The following ADAMTS12 variants were observed in gnomAD, a reference collection of about 807,000 sequenced individuals.
ADAMTS12 encodes the protein ADAM metallopeptidase with thrombospondin type 1 motif 12.
ADAMTS12 carries 118 observed loss-of-function variants against 167.8 expected under a neutral mutation model. That is an observed-to-expected ratio of 0.70 (90% CI 0.61 to 0.82). ADAMTS12 has a LOEUF of 0.82. Among genes scored for constraint, ADAMTS12 ranks in the 40% least tolerant of loss-of-function variants. The pLI is 0.00. For synonymous variants in ADAMTS12, 704 were observed against 716.9 expected (o/e 0.98, Z 0.29); for missense variants, 1,916 against 1,998.8 (o/e 0.96, Z 0.79).
rs919172327 is a variant in ADAMTS12 at position 33,545,910 on chromosome 5, A to G, written c.4446+149T>C. On this transcript the variant is annotated intron_variant, in intron 22 of 23. Transcript: ENST00000504830. ...TAGCATTAGGAGAAATACCTAATGTAAATGATGAGTTGATGGGTGCAGCAA... is the reference window on the plus strand; with the variant it reads ...TAGCATTAGGAGAAATACCTAATGTGAATGATGAGTTGATGGGTGCAGCAA... The G allele has an allele frequency of 1.2e-5, 11 of 910,340 alleles. No homozygotes were observed. The African/African-American group carries it at 1.9e-4, about 16-fold the overall frequency. The allele number at this position is 910,340 out of a possible 1,614,324, so 56.4% of individuals were successfully genotyped here.
At chr5:33,760,920 T>TGCGCGC (rs1554040722) in intron 2 of ADAMTS12, among the ~76,000 whole-genome samples, 2 of 146,162 alleles carry the variant, frequency 1.4e-5, no homozygotes, top group African/African-American at 5.1e-5. Context: ...TGTGTGTGTG[T>TGCGCGC]GCGTATGCGC....
At position 33,576,293 on chromosome 5, in the gene ADAMTS12, C is replaced by A; in HGVS notation, c.3733G>T (p.Ala1245Ser). 2 of 1,614,170 alleles carry A rather than the reference C, an allele frequency of 1.2e-6. No individual in the cohort carries two copies. Among genetic ancestry groups the A allele is most frequent in the Non-Finnish European group, 1.7e-6 (2 of 1,180,026 alleles). Residue 1245 changes from alanine (A) to serine (S), a missense_variant, in exon 19 of 24, where the codon GCC (alanine) becomes TCC (serine). Transcript: ENST00000504830. ...RVEGMVTEKP[A>S]NTLLPLGGDH... ...CCTCCCAGAGGGAGCAGAGTGTTGGCTGGCTTTTCAGTAACCATCCCCTCA... is the reference window on the plus strand; with the variant it reads ...CCTCCCAGAGGGAGCAGAGTGTTGGATGGCTTTTCAGTAACCATCCCCTCA...
At chr5:33,571,238 A>C (rs533762957) in intron 19 of ADAMTS12, among the ~76,000 whole-genome samples, 1 of 152,274 alleles carries the variant, frequency 6.6e-6, no homozygotes, top group East Asian at 1.9e-4. Context: ...GCTCTGCACC[A>C]AGTGGACCTA....
chr5:33,567,850 C>G (rs1339886391), intron 19 of ADAMTS12, among the ~76,000 whole-genome samples: 4 of 152,084 alleles, frequency 2.6e-5, no homozygotes, highest in Non-Finnish European at 5.9e-5. Flanking sequence ...TAAATAAAAT[C>G]AAAGACACAG....
At chr5:33,570,206 G>C (rs866662615) in intron 19 of ADAMTS12, among the ~76,000 whole-genome samples, 232 of 152,284 alleles carry the variant, frequency 1.5e-3, no homozygotes, top group Middle Eastern at 6.8e-3. Context: ...CCCCAATCTA[G>C]CAAGGCAGGC....
At chr5:33,550,473 G>A (rs1745206084) in intron 20 of ADAMTS12, among the ~76,000 whole-genome samples, 1 of 152,180 alleles carries the variant, frequency 6.6e-6, no homozygotes, top group African/African-American at 2.4e-5. Flanking sequence ...GTGGGATGGA[G>A]GCTAACATCT....
At chr5:33,737,702 T>C (rs1050244096) in intron 3 of ADAMTS12, among the ~76,000 whole-genome samples, 2 of 152,234 alleles carry the variant, frequency 1.3e-5, no homozygotes, top group African/African-American at 4.8e-5. Flanking sequence ...AATGTACAAC[T>C]AGTCTCACTA....
At chr5:33,718,517 C>G (rs1232208097) in intron 3 of ADAMTS12, among the ~76,000 whole-genome samples, 1 of 152,122 alleles carries the variant, frequency 6.6e-6, no homozygotes, top group Non-Finnish European at 1.5e-5. Flanking sequence ...GAATCTAATG[C>G]CTGATGATCT....
chr5:33,805,755 T>C (rs1747201442), intron 2 of ADAMTS12, among the ~76,000 whole-genome samples: 1 of 152,116 alleles, frequency 6.6e-6, no homozygotes, highest in Non-Finnish European at 1.5e-5. Flanking sequence ...CTGGGTGCAG[T>C]GGTTTATGCC....
At chr5:33,599,590 C>T (rs1738084662) in intron 16 of ADAMTS12, among the ~76,000 whole-genome samples, 2 of 152,152 alleles carry the variant, frequency 1.3e-5, no homozygotes. Context: ...CCTGACCCTT[C>T]ACTGTTAATG....
At chr5:33,595,048 G>A (rs1031886272) in intron 17 of ADAMTS12, among the ~76,000 whole-genome samples, 5 of 152,242 alleles carry the variant, frequency 3.3e-5, no homozygotes, top group Admixed American at 2.6e-4. Flanking sequence ...AGAGAATGAA[G>A]ACTCTTTCTG....
intron 19 of ADAMTS12, among the ~76,000 whole-genome samples, chr5:33,571,100 C>T (rs1219380083): frequency 6.6e-6 from 1 of 152,020 alleles, no homozygotes; most frequent in Non-Finnish European, 1.5e-5. Flanking sequence ...ATAAAGCTAG[C>T]CCTGAGTGAC....
rs180758463 is a variant in ADAMTS12 at position 33,783,999 on chromosome 5, A to T, written c.490-32451T>A. On this transcript the variant is annotated intron_variant, in intron 2 of 23. Transcript: ENST00000504830. ...CCAAATTTAGCAATATATGAAAAAG[A>T]GTATGTATGATGGCCAAGTGAGATT... Among the ~76,000 whole-genome samples the T allele has an allele frequency of 2.3e-3, 344 of 152,112 alleles. 1 individual carries two copies. Among genetic ancestry groups the T allele is most frequent in the African/African-American group, 7.9e-3 (329 of 41,574 alleles).
intron 23 of ADAMTS12, among the ~76,000 whole-genome samples, chr5:33,533,109 G>C (rs1013795874): frequency 6.6e-6 from 1 of 152,172 alleles, no homozygotes; most frequent in Non-Finnish European, 1.5e-5. Flanking sequence ...TATTCTGTGT[G>C]AGATTTCAAA....
At chr5:33,827,724 T>C (rs1447300228) in intron 2 of ADAMTS12, among the ~76,000 whole-genome samples, 3 of 139,528 alleles carry the variant, frequency 2.2e-5, no homozygotes, top group Admixed American at 6.8e-5. Flanking sequence ...GATAGATAGA[T>C]AGATAGATAG....
intron 3 of ADAMTS12, among the ~76,000 whole-genome samples, chr5:33,734,656 T>C (rs16891613): frequency 0.018 from 2,699 of 152,266 alleles, 79 homozygotes; most frequent in African/African-American, 0.062. Context: ...AAAGTATGAG[T>C]ACTTATGCTC....
chr5:33,852,623 A>T (rs1441239888), intron 2 of ADAMTS12, among the ~76,000 whole-genome samples: 1 of 152,208 alleles, frequency 6.6e-6, no homozygotes, highest in South Asian at 2.1e-4. Context: ...GAATGTCTAC[A>T]TGGAAATGTG....
intron 2 of ADAMTS12, among the ~76,000 whole-genome samples, chr5:33,815,421 G>A (rs1195255758): frequency 2.0e-5 from 3 of 152,192 alleles, no homozygotes; most frequent in Non-Finnish European, 4.4e-5. Context: ...TCCCTCTGCC[G>A]TGTGAAGATG....
At chr5:33,588,950 C>T in intron 17 of ADAMTS12, 141 bp from the exon 18 acceptor site, 3 of 1,013,726 alleles carry the variant, frequency 3.0e-6, no homozygotes, top group Non-Finnish European at 4.4e-6. Context: ...AGGGGGCGTG[C>T]TGCAGACAGG....
Sources: allele counts gnomAD v4.1 joint callset (sites outside exome capture counted in the v4.1 genomes callset), GRCh38; gene constraint gnomAD v4.1.1; transcripts MANE v1.5; gene names NCBI Gene and HGNC (gene_info 2026-07-23, HGNC 2026-07-21).